HIP1: variants seen among roughly 807,000 people sequenced by gnomAD.
HIP1 encodes the protein huntingtin interacting protein 1, also known as huntingtin-interacting protein 1.
A neutral mutation model predicts 147.6 loss-of-function variants in HIP1; 65 were observed. The ratio of observed to expected loss-of-function variants is 0.44; its 90% confidence interval spans 0.36 to 0.54. The LOEUF (loss-of-function observed/expected upper bound fraction) is 0.54. HIP1 is among the 20% of genes least tolerant of loss of function. The pLI is 0.00. For missense variants in HIP1, 1,061 were observed against 1,299.6 expected (o/e 0.82, Z 2.82); for synonymous variants, 479 against 504.0 (o/e 0.95, Z 0.67).
chr7:75,541,390 CATG>C (rs1372834240), intron 29 of HIP1, among the ~76,000 whole-genome samples: 1 of 151,900 alleles, frequency 6.6e-6, no homozygotes, highest in Non-Finnish European at 1.5e-5. Flanking sequence ...ATTAGCCAGG[CATG>C]GTGGTGGGCG....
At chr7:75,726,481 C>T (rs149820667) in intron 1 of HIP1, among the ~76,000 whole-genome samples, 1 of 152,086 alleles carries the variant, frequency 6.6e-6, no homozygotes, top group East Asian at 1.9e-4. Context: ...GACAAGGTTT[C>T]ACCTTGTTAG....
chr7:75,582,053 G>A (rs1554498696), intron 6 of HIP1, 22 bp downstream of exon 6: 1 of 1,602,292 alleles, frequency 6.2e-7, no homozygotes, highest in South Asian at 1.1e-5. Flanking sequence ...CCCTCCCTGG[G>A]CTCAGGGCAG....
At chr7:75,542,297 A>G (rs879956364) in intron 28 of HIP1, among the ~76,000 whole-genome samples, 23 of 150,902 alleles carry the variant, frequency 1.5e-4, no homozygotes, top group Non-Finnish European at 1.5e-4. Flanking sequence ...TTGGGAGGCT[A>G]AGGCAAGAGA....
chr7:75,573,342 C>T (rs1795716621), intron 8 of HIP1, among the ~76,000 whole-genome samples: 1 of 152,182 alleles, frequency 6.6e-6, no homozygotes. Context: ...GACAACCTGC[C>T]TACAGACAGA....
At chr7:75,561,937 G>GC (rs1554494633) in intron 12 of HIP1, 136 bp downstream of exon 12, 1 of 628,420 alleles carries the variant, frequency 1.6e-6, no homozygotes, top group East Asian at 2.7e-5. Flanking sequence ...ATAAGCCATT[G>GC]CCCCCAACCC....
chr7:75,639,167 G>A, intron 1 of HIP1: 5 of 984,156 alleles, frequency 5.1e-6, no homozygotes, highest in Non-Finnish European at 6.0e-6. Context: ...CTGCGGGGAG[G>A]GCGGCCGGCA....
In HIP1 at chr7:75,573,773, T is replaced by G. The variant is rs1554497113; in HGVS notation, c.733A>C (p.Lys245Gln). 4 of 1,613,896 alleles carry G rather than the reference T, an allele frequency of 2.5e-6. No homozygotes were observed. The Admixed American group carries it at 6.7e-5, about 27-fold the overall frequency. The change falls in exon 8 of 31, where the codon AAA becomes CAA. Residue 245 changes from lysine (K) to glutamine (Q), a missense_variant. By Grantham distance (53) the Lys-to-Gln change is moderately conservative. Transcript: ENST00000336926. ...LYDYTVKLLFKLHSCLPADTL... is the reference protein window; with the variant it reads ...LYDYTVKLLFQLHSCLPADTL... ...CCGCGGTACTCACAGGAGTGGAGTT[T>G]GAAGAGAAGCTTGACAGTGTAGTCA... is the stretch of plus-strand genomic sequence containing the variant.
chr7:75,545,170 C>G lies in HIP1; in HGVS notation c.2578G>C (p.Glu860Gln), dbSNP rs782176177. 1.2e-6 allele frequency: 2 copies of G among 1,609,918 alleles called. No individual in the cohort carries two copies. Among genetic ancestry groups the G allele is most frequent in the East Asian group, 4.5e-5 (2 of 44,860 alleles). Residue 860 changes from glutamate (E) to glutamine (Q), a missense_variant, in exon 26 of 31, where the codon GAG becomes CAG. Glu to Gln is a conservative substitution (Grantham distance 29, BLOSUM62 2). Coordinates refer to ENST00000336926, the MANE Select transcript of HIP1 (RefSeq NM_005338.7). ...CATCGAGAGTTCTTGGCATAAAACT[C>G]TTTAGGGGATGCTGTACCCTAGGGA... is the stretch of plus-strand genomic sequence containing the variant. Reference protein sequence around the residue: ...ESGRGTASPKEFYAKNSRWTE... With the variant: ...ESGRGTASPKQFYAKNSRWTE...
chr7:75,537,024 G>A lies in HIP1; in HGVS notation c.*1148C>T, dbSNP rs368550179. 84 of 232,334 alleles carry A rather than the reference G, an allele frequency of 3.6e-4. No homozygotes were observed. Among genetic ancestry groups the A allele is most frequent in the East Asian group, 2.2e-3 (36 of 16,478 alleles). 14.4% of individuals were successfully genotyped at this position (232,334 alleles called of 1,614,324 possible). On this transcript the variant is annotated 3_prime_UTR_variant, in exon 31 of 31. Transcript: ENST00000336926. ...TATTCAAGAGGATGCCAAGGCAGAC[G>A]TCTGCAGAAAGGAGTTGGGAATCAC...
chr7:75,651,858 A>C (rs1420298233), intron 1 of HIP1, among the ~76,000 whole-genome samples: 1 of 152,134 alleles, frequency 6.6e-6, no homozygotes, highest in Non-Finnish European at 1.5e-5. Flanking sequence ...TGTTTTTATT[A>C]AAGCACTGGG....
chr7:75,664,293 T>C (rs1554514214), intron 1 of HIP1, among the ~76,000 whole-genome samples: 1 of 77,126 alleles, frequency 1.3e-5, no homozygotes, highest in African/African-American at 5.8e-5. Flanking sequence ...CACATATATG[T>C]ATGTATATAT....
rs1548522 is a variant in HIP1 at position 75,736,065 on chromosome 7, T to A, written c.120+2736A>T. 3.6e-3 allele frequency among the ~76,000 whole-genome samples: 536 copies of A among 147,416 alleles called. 7 individuals are homozygous for A. The highest frequency in any genetic ancestry group is 0.017 in the Admixed American group (249 of 14,658). ...GGAAAACACAGTGAGACCTCCGTCT[T>A]AAAAAAAAAAAAAGTTAAAAATAAG... On this transcript the variant is annotated intron_variant, in intron 1 of 30. Transcript: ENST00000336926.
intron 16 of HIP1, 77 bp downstream of exon 16, chr7:75,557,577 G>T: frequency 9.6e-7 from 1 of 1,037,114 alleles, no homozygotes; most frequent in Non-Finnish European, 1.5e-6. Flanking sequence ...TGCCCATGGA[G>T]CAGAAGGCCA....
chr7:75,684,811 G>T (rs916579655), intron 1 of HIP1, among the ~76,000 whole-genome samples: 1 of 152,144 alleles, frequency 6.6e-6, no homozygotes, highest in East Asian at 1.9e-4. Context: ...ATCTGTTTTG[G>T]CCAGGCATGG....
intron 22 of HIP1, among the ~76,000 whole-genome samples, chr7:75,551,189 ATTTTTT>A (rs55679922): frequency 0.18 from 14,195 of 77,334 alleles, 1,088 homozygotes; most frequent in Middle Eastern, 0.28. Flanking sequence ...GTAGATGATA[ATTTTTT>A]TTTTTTTTTT....
intron 1 of HIP1, among the ~76,000 whole-genome samples, chr7:75,734,931 C>T (rs772581171): frequency 3.2e-4 from 49 of 152,198 alleles, no homozygotes; most frequent in Non-Finnish European, 4.1e-4. Flanking sequence ...GTAATTATCC[C>T]ATTACCTAGT....
intron 8 of HIP1, among the ~76,000 whole-genome samples, chr7:75,571,040 A>T (rs587600436): frequency 1.1e-4 from 16 of 152,224 alleles, no homozygotes; most frequent in South Asian, 2.1e-4. Flanking sequence ...AAAGTAAATT[A>T]AAAAACTATG....
chr7:75,664,418 A>ATG (rs782666183), intron 1 of HIP1, among the ~76,000 whole-genome samples: 16 of 129,512 alleles, frequency 1.2e-4, no homozygotes, highest in South Asian at 5.0e-4. Flanking sequence ...ACACATACAT[A>ATG]TGTGTGTGTA....
intron 8 of HIP1, among the ~76,000 whole-genome samples, chr7:75,571,728 G>T (rs587739752): frequency 9.2e-5 from 14 of 152,174 alleles, no homozygotes; most frequent in African/African-American, 3.1e-4. Flanking sequence ...GACTACAGGC[G>T]CATGTCACCA....
Sources: allele counts gnomAD v4.1 joint callset (sites outside exome capture counted in the v4.1 genomes callset), GRCh38; gene constraint gnomAD v4.1.1; transcripts MANE v1.5; gene names NCBI Gene and HGNC (gene_info 2026-07-23, HGNC 2026-07-21).